Variants in ZNF420 observed in about 807,000 individuals in gnomAD.
ZNF420 encodes the protein ATM and p53-associated KZNF protein.
A neutral mutation model predicts 44.7 loss-of-function variants in ZNF420; 31 were observed. That is an observed-to-expected ratio of 0.69 (90% confidence interval 0.52 to 0.94). ZNF420 has a LOEUF of 0.94. Among genes scored for constraint, ZNF420 ranks in the 40% least tolerant of loss-of-function variants. The probability of loss-of-function intolerance (pLI) is 0.00; values close to 1 mark genes in which losing one functional copy is unlikely to be tolerated. For missense variants in ZNF420, 681 were observed against 827.9 expected (o/e 0.82, Z 2.18); for synonymous variants, 245 against 267.4 (o/e 0.92, Z 0.82).
intron 4 of ZNF420, among the ~76,000 whole-genome samples, chr19:37,117,204 C>T (rs866288770): frequency 6.6e-6 from 1 of 152,206 alleles, no homozygotes; most frequent in African/African-American, 2.4e-5. Flanking sequence ...AGGCACCCCC[C>T]AGTAGGGGCA....
At chr19:37,092,487 C>G (rs549186168) in intron 4 of ZNF420, 1 of 151,982 alleles carries the variant, frequency 6.6e-6, no homozygotes, top group Admixed American at 6.6e-5. Context: ...CCGAGGAGGG[C>G]GGATCACCTG....
intron 1 of ZNF420, among the ~76,000 whole-genome samples, chr19:37,059,227 C>T (rs1420313493): frequency 6.6e-6 from 1 of 152,114 alleles, no homozygotes; most frequent in East Asian, 1.9e-4. Flanking sequence ...TCTCCCACGC[C>T]GCCCTCTACT....
chr19:37,059,322 G>A (rs1967824038), intron 1 of ZNF420, among the ~76,000 whole-genome samples: 1 of 152,204 alleles, frequency 6.6e-6, no homozygotes, highest in African/African-American at 2.4e-5. Context: ...GTTTCAAGGG[G>A]CCGCAGCCTG....
chr19:37,055,410 A>G (rs1967723157), intron 1 of ZNF420, among the ~76,000 whole-genome samples: 1 of 152,164 alleles, frequency 6.6e-6, no homozygotes, highest in African/African-American at 2.4e-5. Flanking sequence ...CTCCACCGGT[A>G]AAAGTCGGCT....
At chr19:37,087,397 C>T (rs1968878920) in intron 2 of ZNF420, among the ~76,000 whole-genome samples, 1 of 151,838 alleles carries the variant, frequency 6.6e-6, no homozygotes, top group Non-Finnish European at 1.5e-5. Context: ...CCTCAGCTCT[C>T]TGATGAATTT....
At chr19:37,025,481 A>G (rs1967139506) in intron 1 of ZNF420, among the ~76,000 whole-genome samples, 1 of 152,064 alleles carries the variant, frequency 6.6e-6, no homozygotes, top group African/African-American at 2.4e-5. Context: ...ACAACCAGGT[A>G]GCAACAGAAT....
At chr19:37,018,337 G>T (rs2074622364) in intron 1 of ZNF420, among the ~76,000 whole-genome samples, 1 of 152,116 alleles carries the variant, frequency 6.6e-6, no homozygotes, top group Non-Finnish European at 1.5e-5. Flanking sequence ...TTCCAAGTAG[G>T]CAAAACAACC....
intron 1 of ZNF420, among the ~76,000 whole-genome samples, chr19:37,054,529 G>C (rs898833970): frequency 2.6e-5 from 4 of 152,170 alleles, no homozygotes; most frequent in African/African-American, 9.7e-5. Flanking sequence ...GTATCTTTTA[G>C]TCTATGAAGA....
intron 1 of ZNF420, among the ~76,000 whole-genome samples, chr19:37,054,310 T>G (rs1967702129): frequency 6.6e-6 from 1 of 152,230 alleles, no homozygotes; most frequent in Non-Finnish European, 1.5e-5. Flanking sequence ...GCTTCCTGGG[T>G]GAGGTGATGC....
chr19:37,032,611 C>T (rs1199548163), intron 1 of ZNF420, among the ~76,000 whole-genome samples: 1 of 151,812 alleles, frequency 6.6e-6, no homozygotes, highest in East Asian at 1.9e-4. Flanking sequence ...TCGAGACAAG[C>T]CTTACCAACA....
chr19:37,029,986 T>G (rs1967227787), intron 1 of ZNF420, among the ~76,000 whole-genome samples: 1 of 152,222 alleles, frequency 6.6e-6, no homozygotes, highest in Non-Finnish European at 1.5e-5. Context: ...TCTACTCATT[T>G]AGCATGAATC....
intron 4 of ZNF420, among the ~76,000 whole-genome samples, chr19:37,113,615 C>T (rs1221544197): frequency 1.3e-5 from 2 of 152,164 alleles, no homozygotes; most frequent in Admixed American, 6.5e-5. Context: ...GGGTAGGGCT[C>T]CTTTAGCGCC....
intron 1 of ZNF420, among the ~76,000 whole-genome samples, chr19:37,048,164 C>G (rs989037153): frequency 3.9e-5 from 6 of 151,922 alleles, no homozygotes; most frequent in Non-Finnish European, 7.4e-5. Flanking sequence ...AAGAGCAGAC[C>G]TATGTAGAAG....
intron 1 of ZNF420, among the ~76,000 whole-genome samples, chr19:37,013,684 G>GGTCCCA (rs2074588900): frequency 6.6e-6 from 1 of 152,136 alleles, no homozygotes; most frequent in Non-Finnish European, 1.5e-5. Context: ...GGCACAGAAC[G>GGTCCCA]GTCCCACGGA....
At chr19:37,033,568 T>C (rs1967300992) in intron 1 of ZNF420, among the ~76,000 whole-genome samples, 1 of 152,236 alleles carries the variant, frequency 6.6e-6, no homozygotes, top group Admixed American at 6.5e-5. Context: ...TATTCCACTG[T>C]ATGTCTGTAC....
intron 1 of ZNF420, chr19:37,024,940 T>G (rs1350931838): frequency 5.4e-6 from 1 of 184,720 alleles, no homozygotes; most frequent in South Asian, 1.7e-4. Flanking sequence ...CCAAACACAC[T>G]AAAGGCCTTC....
chr19:37,099,341 A>G (rs1304873761), intron 4 of ZNF420, among the ~76,000 whole-genome samples: 2 of 151,734 alleles, frequency 1.3e-5, no homozygotes, highest in African/African-American at 2.4e-5. Context: ...TTTTACCAGC[A>G]TTTGTTATCT....
chr19:37,128,375 C>T lies in ZNF420; in HGVS notation c.1384C>T (p.Leu462Phe). The T allele has an allele frequency of 6.2e-7, 1 of 1,614,030 alleles. No individual in the cohort carries two copies. Among genetic ancestry groups the T allele is most frequent in the Non-Finnish European group, 8.5e-7 (1 of 1,179,972 alleles). The change falls in exon 5 of 5, where the codon CTT becomes TTT. Residue 462 changes from leucine to phenylalanine, a missense_variant. Leu to Phe is a conservative substitution (Grantham distance 22). Coordinates refer to ENST00000337995, the MANE Select transcript of ZNF420 (RefSeq NM_144689.5). ...AAAAACCTTTAGTCGTGGCTCAGAA[C>T]TTACTCAACATGAGCGAATTCACAC... ...CGKTFSRGSELTQHERIHTGE... is the reference protein window; with the variant it reads ...CGKTFSRGSEFTQHERIHTGE...
intron 1 of ZNF420, among the ~76,000 whole-genome samples, chr19:37,020,432 A>G (rs1234967651): frequency 6.6e-6 from 1 of 152,170 alleles, no homozygotes; most frequent in African/African-American, 2.4e-5. Context: ...CAAACTTGCA[A>G]TAAGCTCTCA....
Sources: allele counts gnomAD v4.1 joint callset (sites outside exome capture counted in the v4.1 genomes callset), GRCh38; gene constraint gnomAD v4.1.1; transcripts MANE v1.5; gene names NCBI Gene and HGNC (gene_info 2026-07-23, HGNC 2026-07-21).